Variants in SPAG17 observed in about 807,000 individuals in gnomAD.
The protein encoded by SPAG17 is sperm-associated antigen 17.
SPAG17 carries 169 observed loss-of-function variants against 273.6 expected under a neutral mutation model. The observed-to-expected ratio is 0.62, with a 90% CI of 0.55 to 0.70. The LOEUF (loss-of-function observed/expected upper bound fraction) is 0.70. Among genes scored for constraint, SPAG17 ranks in the 30% least tolerant of loss-of-function variants. The pLI, the probability that SPAG17 is intolerant of heterozygous loss-of-function variation, is 0.00. For synonymous variants in SPAG17, 825 were observed against 873.2 expected (o/e 0.94, Z 0.97); for missense variants, 2,557 against 2,627.8 (o/e 0.97, Z 0.59).
At chr1:117,955,057 A>G (rs534525155) in intron 48 of SPAG17, 83 of 418,418 alleles carry the variant, frequency 2.0e-4, no homozygotes, top group Non-Finnish European at 3.2e-4. Flanking sequence ...ATGTCTCATC[A>G]CAGTAATTTT....
chr1:117,966,793 A>G, intron 46 of SPAG17, 40 bp from the exon 47 acceptor site: 1 of 1,523,966 alleles, frequency 6.6e-7, no homozygotes, highest in Non-Finnish European at 8.8e-7. Flanking sequence ...GACAACTCTG[A>G]GTTCAAACCT....
chr1:118,138,085 G>A (rs564992087), intron 3 of SPAG17, among the ~76,000 whole-genome samples: 55 of 152,154 alleles, frequency 3.6e-4, no homozygotes, highest in African/African-American at 1.2e-3. Context: ...AATATACTCT[G>A]TCTGGGGATC....
chr1:117,994,726 G>C (rs1162230165), intron 34 of SPAG17, among the ~76,000 whole-genome samples, 196 bp from the exon 35 acceptor site: 1 of 152,116 alleles, frequency 6.6e-6, no homozygotes, highest in African/African-American at 2.4e-5. Flanking sequence ...GACACCTAGA[G>C]ACTAGATTTA....
rs562289783 is a variant in SPAG17 at position 118,119,523 on chromosome 1, T to C, written c.316-4082A>G. On this transcript the variant is annotated intron_variant, in intron 3 of 48. Transcript: ENST00000336338. The stretch of plus-strand genomic sequence containing the variant: ...AATCCTTTGGCTTCAGGGACTTTCT[T>C]GGAGGCCCATGGTGTTTATTGCAGT... 3.3e-5 allele frequency among the ~76,000 whole-genome samples: 5 copies of C among 152,338 alleles called. No homozygotes were observed. In the East Asian group the frequency reaches 7.7e-4, roughly 23 times the overall value.
At chr1:118,146,247 G>A (rs1336139446) in intron 3 of SPAG17, among the ~76,000 whole-genome samples, 1 of 152,150 alleles carries the variant, frequency 6.6e-6, no homozygotes, top group Non-Finnish European at 1.5e-5. Flanking sequence ...TATGGTACAC[G>A]TAGAACTCTC....
At chr1:117,988,551 G>T (rs1656706411) in intron 38 of SPAG17, among the ~76,000 whole-genome samples, 1 of 152,026 alleles carries the variant, frequency 6.6e-6, no homozygotes, top group African/African-American at 2.4e-5. Context: ...TGTTTTTCTG[G>T]ATATTTTCCT....
At chr1:118,126,815 T>C (rs1400060709) in intron 3 of SPAG17, among the ~76,000 whole-genome samples, 1 of 152,226 alleles carries the variant, frequency 6.6e-6, no homozygotes, top group Non-Finnish European at 1.5e-5. Context: ...AGTTTTATAG[T>C]TTTAGATCTT....
intron 26 of SPAG17, among the ~76,000 whole-genome samples, chr1:118,025,750 C>T (rs561304093): frequency 6.6e-6 from 1 of 152,266 alleles, no homozygotes; most frequent in Middle Eastern, 3.4e-3. Context: ...CCTCAGCCTT[C>T]CAAAGTGCTG....
chr1:118,135,366 A>G (rs2102307551), intron 3 of SPAG17, among the ~76,000 whole-genome samples: 1 of 146,454 alleles, frequency 6.8e-6, no homozygotes, highest in East Asian at 2.0e-4. Context: ...TTATCAGCTC[A>G]AGCAATGTGT....
intron 23 of SPAG17, 34 bp downstream of exon 23, chr1:118,039,258 G>A (rs1458443664): frequency 1.9e-6 from 3 of 1,602,404 alleles, no homozygotes; most frequent in Admixed American, 3.5e-5. Context: ...AGGAGTATTA[G>A]TCAGAAGAAA....
intron 40 of SPAG17, 83 bp downstream of exon 40, chr1:117,987,751 G>T: frequency 2.2e-6 from 3 of 1,380,066 alleles, no homozygotes; most frequent in Non-Finnish European, 3.1e-6. Flanking sequence ...TGGGTGCCTG[G>T]CAGGACATTT....
intron 22 of SPAG17, among the ~76,000 whole-genome samples, chr1:118,040,120 TC>T (rs1368847551): frequency 6.6e-6 from 1 of 152,192 alleles, no homozygotes; most frequent in Non-Finnish European, 1.5e-5. Flanking sequence ...CAACGCATTC[TC>T]TTTTTTAGTG....
rs780638598 is a variant in SPAG17, at chr1:118,040,743, T to A, written c.3153A>T (p.Thr1051=). 6.3e-7 allele frequency: 1 copy of A among 1,593,130 alleles called. No homozygotes were observed. Among genetic ancestry groups the A allele is most frequent in the Non-Finnish European group, 8.6e-7 (1 of 1,160,652 alleles). The change falls in exon 22 of 49, where the codon ACA becomes ACT. Residue 1051 remains threonine (T), a synonymous_variant. Coordinates refer to ENST00000336338, the MANE Select transcript of SPAG17 (RefSeq NM_206996.4). ...SDGGQIEVEK[T]MFEKGPTFIK... is the part of the protein sequence containing the mutation. The stretch of plus-strand genomic sequence containing the variant: ...TTCAAAATGTACCTTTTTCAAACAT[T>A]GTCTTTTCCACTTCAATCTGCCCCC...
Position 118,073,847 on chromosome 1 carries a change from TA to T in SPAG17, c.2385+6del. On this transcript the variant is annotated splice_donor_region_variant and intron_variant, in intron 17 of 48. Transcript: ENST00000336338. ...CCGTCTCCTAGAGAATCACAGTCCA[TA>T]AATACCTGAAGCAGTACTTTCGGTT... 6.4e-7 allele frequency: 1 copy of T among 1,572,554 alleles called. No individual in the cohort carries two copies. Among genetic ancestry groups the T allele is most frequent in the Non-Finnish European group, 8.6e-7 (1 of 1,159,898 alleles).
intron 15 of SPAG17, among the ~76,000 whole-genome samples, chr1:118,077,649 C>T (rs1654212579): frequency 6.6e-6 from 1 of 152,078 alleles, no homozygotes; most frequent in Non-Finnish European, 1.5e-5. Flanking sequence ...TTTGTAGTCC[C>T]ATAGGATACA....
At chr1:117,992,230 T>C (rs1432464712) in intron 36 of SPAG17, among the ~76,000 whole-genome samples, 1 of 152,178 alleles carries the variant, frequency 6.6e-6, no homozygotes, top group Non-Finnish European at 1.5e-5. Flanking sequence ...ATAGTAATCA[T>C]TTACAAAAAA....
intron 3 of SPAG17, among the ~76,000 whole-genome samples, chr1:118,147,294 G>T (rs1205994332): frequency 6.6e-6 from 1 of 152,082 alleles, no homozygotes; most frequent in African/African-American, 2.4e-5. Context: ...GGTAAAACCG[G>T]CTACTATATA....
chr1:118,081,053 T>C (rs375651734), intron 15 of SPAG17, 48 bp downstream of exon 15: 3 of 1,342,144 alleles, frequency 2.2e-6, no homozygotes, highest in Non-Finnish European at 1.0e-6. Flanking sequence ...ACTATAATAG[T>C]GTCTTACACA....
intron 6 of SPAG17, among the ~76,000 whole-genome samples, chr1:118,099,017 G>A (rs572410645): frequency 2.1e-3 from 325 of 152,280 alleles, no homozygotes; most frequent in African/African-American, 7.5e-3. Flanking sequence ...ATTTCCTAAA[G>A]TATACAGTGG....
Sources: allele counts gnomAD v4.1 joint callset (sites outside exome capture counted in the v4.1 genomes callset), GRCh38; gene constraint gnomAD v4.1.1; transcripts MANE v1.5; gene names NCBI Gene and HGNC (gene_info 2026-07-23, HGNC 2026-07-21).